GALNT13: variants seen among roughly 807,000 people sequenced by gnomAD.
GALNT13 encodes the protein polypeptide N-acetylgalactosaminyltransferase 13, also known as UDP-GalNAc:polypeptide N-acetylgalactosaminyltransferase 13.
In GALNT13, 28 loss-of-function variants were observed where a neutral mutation model predicts 64.2. That is an observed-to-expected ratio of 0.44 (90% CI 0.32 to 0.60). The LOEUF is 0.60. Ranked by LOEUF, GALNT13 falls within the 20% of genes least tolerant of loss-of-function variation. The pLI, the probability that GALNT13 is intolerant of heterozygous loss-of-function variation, is 0.05. For synonymous variants in GALNT13, 214 were observed against 224.6 expected (o/e 0.95, Z 0.42); for missense variants, 577 against 669.8 (o/e 0.86, Z 1.53).
intron 4 of GALNT13, among the ~76,000 whole-genome samples, chr2:154,176,490 G>T (rs916004872): frequency 6.6e-6 from 1 of 151,766 alleles, no homozygotes; most frequent in African/African-American, 2.4e-5. Context: ...CTGACCTCAC[G>T]ATCTGCCTGC....
chr2:153,347,746 T>C, the GALNT13 span, among the ~76,000 whole-genome samples: 2 of 152,144 alleles, frequency 1.3e-5, no homozygotes, highest in East Asian at 3.9e-4. Flanking sequence ...ACAGGAAGAA[T>C]CATATGGTCT....
intron 4 of GALNT13, among the ~76,000 whole-genome samples, chr2:154,165,148 T>C (rs1336100041): frequency 1.3e-5 from 2 of 152,112 alleles, no homozygotes. Context: ...TAAGTGAGTG[T>C]TAATGTGAGA....
At chr2:154,149,746 A>G (rs906440952) in intron 4 of GALNT13, among the ~76,000 whole-genome samples, 3 of 152,144 alleles carry the variant, frequency 2.0e-5, no homozygotes, top group African/African-American at 7.2e-5. Context: ...ATTGGTGTAT[A>G]AGAATGCTCA....
At chr2:154,374,085 C>T (rs773090522) in intron 9 of GALNT13, among the ~76,000 whole-genome samples, 45 of 152,254 alleles carry the variant, frequency 3.0e-4, no homozygotes, top group Admixed American at 2.5e-3. Flanking sequence ...CTTCCTTTCC[C>T]GGCTTTCTTC....
chr2:153,252,023 C>G, the GALNT13 span, among the ~76,000 whole-genome samples: 152 of 151,590 alleles, frequency 1.0e-3, 1 homozygote, highest in African/African-American at 3.5e-3. Context: ...ATTTCTAGTT[C>G]TAGATCCCTG....
intron 3 of GALNT13, among the ~76,000 whole-genome samples, chr2:154,085,027 C>CT (rs1441446772): frequency 6.6e-6 from 1 of 151,812 alleles, no homozygotes; most frequent in Non-Finnish European, 1.5e-5. Flanking sequence ...AGAAGTTTTT[C>CT]TGTAATGAAT....
At chr2:154,286,237 T>C (rs1390790892) in intron 8 of GALNT13, among the ~76,000 whole-genome samples, 1 of 152,252 alleles carries the variant, frequency 6.6e-6, no homozygotes, top group Non-Finnish European at 1.5e-5. Flanking sequence ...AGTGGCAAGA[T>C]TGGGCATTCT....
intron 3 of GALNT13, among the ~76,000 whole-genome samples, chr2:154,059,978 G>C (rs1035001473): frequency 6.6e-6 from 1 of 152,158 alleles, no homozygotes; most frequent in Non-Finnish European, 1.5e-5. Context: ...TCCCTACTGT[G>C]ATGGTATTTG....
chr2:153,981,015 T>C (rs1694424877), intron 3 of GALNT13, among the ~76,000 whole-genome samples: 2 of 152,172 alleles, frequency 1.3e-5, no homozygotes, highest in African/African-American at 4.8e-5. Context: ...ATATCTTTAT[T>C]CACGAATGGA....
At chr2:153,262,118 C>T in the GALNT13 span, among the ~76,000 whole-genome samples, 1 of 152,088 alleles carries the variant, frequency 6.6e-6, no homozygotes, top group Non-Finnish European at 1.5e-5. Context: ...CTCTTCTTTC[C>T]TCAAGCATAA....
the GALNT13 span, among the ~76,000 whole-genome samples, chr2:153,237,705 A>G: frequency 6.6e-6 from 1 of 152,028 alleles, no homozygotes; most frequent in African/African-American, 2.4e-5. Flanking sequence ...GTGTATATGT[A>G]CCATATTTTC....
intron 3 of GALNT13, among the ~76,000 whole-genome samples, chr2:154,115,220 G>A (rs922749741): frequency 6.6e-6 from 1 of 152,126 alleles, no homozygotes; most frequent in African/African-American, 2.4e-5. Flanking sequence ...AGCTCACTCA[G>A]TGTGGGACAT....
chr2:154,138,828 T>C (rs1574579008), intron 3 of GALNT13, among the ~76,000 whole-genome samples: 1 of 152,176 alleles, frequency 6.6e-6, no homozygotes, highest in South Asian at 2.1e-4. Context: ...ATATTACATA[T>C]ACTAACACCT....
chr2:153,518,806 A>G, the GALNT13 span, among the ~76,000 whole-genome samples: 1 of 152,124 alleles, frequency 6.6e-6, no homozygotes, highest in East Asian at 1.9e-4. Context: ...GCCTTTTCTT[A>G]TCAGTCCCAG....
the GALNT13 span, among the ~76,000 whole-genome samples, chr2:153,361,995 G>C: frequency 1.3e-5 from 2 of 152,154 alleles, no homozygotes; most frequent in Non-Finnish European, 2.9e-5. Flanking sequence ...CCTAGAAAGG[G>C]AAGCCCATCA....
At chr2:153,077,687 T>C in the GALNT13 span, among the ~76,000 whole-genome samples, 4 of 151,210 alleles carry the variant, frequency 2.6e-5, no homozygotes, top group African/African-American at 9.7e-5. Context: ...ATTGTGTTAC[T>C]TTTATAAATC....
intron 2 of GALNT13, among the ~76,000 whole-genome samples, chr2:153,935,869 G>T (rs1327168956): frequency 6.6e-6 from 1 of 152,140 alleles, no homozygotes; most frequent in East Asian, 1.9e-4. Flanking sequence ...CCAGATGTCA[G>T]TTATTGCTTT....
chr2:153,200,022 G>A, the GALNT13 span, among the ~76,000 whole-genome samples: 1 of 152,112 alleles, frequency 6.6e-6, no homozygotes, highest in Non-Finnish European at 1.5e-5. Context: ...TGCTTATATA[G>A]ACAGGGAGCC....
At chr2:154,077,697 C>T (rs1434932638) in intron 3 of GALNT13, among the ~76,000 whole-genome samples, 1 of 151,404 alleles carries the variant, frequency 6.6e-6, no homozygotes, top group Non-Finnish European at 1.5e-5. Flanking sequence ...TGTTCTTAGT[C>T]ATTGACATCA....
Sources: gnomAD v4.1 joint callset for allele counts (sites outside exome capture counted in the v4.1 genomes callset) on GRCh38, gnomAD v4.1.1 for gene constraint, MANE v1.5 for transcripts, NCBI Gene and HGNC (gene_info 2026-07-23, HGNC 2026-07-21) for gene names.